ZNF385D: variants seen among roughly 807,000 people sequenced by gnomAD.
The protein encoded by ZNF385D is zinc finger protein 385D.
A neutral mutation model predicts 35.8 loss-of-function variants in ZNF385D; 15 were observed. The ratio of observed to expected loss-of-function variants is 0.42; its 90% CI spans 0.28 to 0.64. The LOEUF (loss-of-function observed/expected upper bound fraction) is 0.64. Ranked by LOEUF, ZNF385D falls within the 30% of genes least tolerant of loss-of-function variation. The pLI is 0.23. For synonymous variants in ZNF385D, 212 were observed against 186.8 expected (o/e 1.13, Z -1.10); for missense variants, 474 against 494.6 (o/e 0.96, Z 0.39).
intron 1 of ZNF385D, among the ~76,000 whole-genome samples, chr3:21,701,943 C>G (rs1225881753): frequency 2.0e-5 from 3 of 152,144 alleles, no homozygotes; most frequent in Non-Finnish European, 4.4e-5. Context: ...TAGCCCCCAT[C>G]TTGGCTACTT....
At chr3:22,339,242 C>A (rs758450621) in intron 2 of ZNF385D, among the ~76,000 whole-genome samples, 3 of 152,062 alleles carry the variant, frequency 2.0e-5, no homozygotes, top group Admixed American at 6.6e-5. Flanking sequence ...AAGCTTGCCA[C>A]CATGAAACAA....
intron 3 of ZNF385D, among the ~76,000 whole-genome samples, chr3:21,799,076 C>A (rs901327866): frequency 2.6e-5 from 4 of 152,062 alleles, no homozygotes; most frequent in African/African-American, 4.8e-5. Context: ...TTGTGTCTGA[C>A]GTAATTCACT....
At position 22,332,041 on chromosome 3, in the gene ZNF385D, A is replaced by G. The variant is rs79038241; in HGVS notation, c.106+40409T>C. Among the ~76,000 whole-genome samples the G allele has an allele frequency of 4.6e-3, 700 of 152,326 alleles. 5 individuals carry two copies. Among genetic ancestry groups the G allele is most frequent in the African/African-American group, 0.016 (669 of 41,580 alleles). The stretch of plus-strand genomic sequence containing the variant: ...AGAAAATATAGAAGAATAGTACAAT[A>G]AATACCCACGATAACTTCATCAAGT... On this transcript the variant is annotated intron_variant, in intron 2 of 5. Transcript: ENST00000494108.
At chr3:21,946,819 G>A (rs1626065) in intron 3 of ZNF385D, among the ~76,000 whole-genome samples, 39,412 of 152,140 alleles carry the variant, frequency 0.26, 5,803 homozygotes, top group Admixed American at 0.41. Flanking sequence ...GTGATAGAGC[G>A]ACACTCCGTG....
At chr3:21,467,520 C>A (rs1331317961) in intron 4 of ZNF385D, among the ~76,000 whole-genome samples, 1 of 152,110 alleles carries the variant, frequency 6.6e-6, no homozygotes, top group African/African-American at 2.4e-5. Flanking sequence ...TTTAGTCTAA[C>A]CTGCGAATAG....
intron 3 of ZNF385D, among the ~76,000 whole-genome samples, chr3:21,846,654 G>C (rs1515452): frequency 0.44 from 66,917 of 151,784 alleles, 14,980 homozygotes; most frequent in Middle Eastern, 0.48. Flanking sequence ...TAAGAGAATG[G>C]AAAATGACTG....
At chr3:22,235,565 A>G (rs1427576945) in intron 2 of ZNF385D, among the ~76,000 whole-genome samples, 1 of 152,152 alleles carries the variant, frequency 6.6e-6, no homozygotes, top group East Asian at 1.9e-4. Flanking sequence ...TGTTTTCTAA[A>G]TGTTTAAAGA....
rs2067317115 is a variant in ZNF385D at position 21,692,561 on chromosome 3, C to T, written c.23-27533G>A. On this transcript the variant is annotated intron_variant, in intron 1 of 7. Transcript: ENST00000281523. ...TCTCAACCCTCCTCTTCCTACTTGA[C>T]ACCAGTCACTTTGTGCCTTCACAAT... is the stretch of plus-strand genomic sequence containing the variant. Among the ~76,000 whole-genome samples the T allele has an allele frequency of 2.6e-5, 4 of 152,342 alleles. No homozygotes were observed. In the South Asian group the frequency reaches 8.3e-4, roughly 32 times the overall value.
At chr3:21,552,547 C>T (rs1303294803) in intron 3 of ZNF385D, among the ~76,000 whole-genome samples, 1 of 152,112 alleles carries the variant, frequency 6.6e-6, no homozygotes, top group Non-Finnish European at 1.5e-5. Flanking sequence ...ATTAGATCTT[C>T]TATTGAAAAA....
chr3:21,637,415 T>C, intron 2 of ZNF385D, among the ~76,000 whole-genome samples: 2 of 152,036 alleles, frequency 1.3e-5, no homozygotes, highest in East Asian at 3.9e-4. Context: ...GGCTGTTAAG[T>C]TTGTTAATTT....
At chr3:22,020,198 G>A (rs1009700911) in intron 3 of ZNF385D, among the ~76,000 whole-genome samples, 3 of 151,782 alleles carry the variant, frequency 2.0e-5, no homozygotes, top group Admixed American at 2.0e-4. Flanking sequence ...TTCTTAAAGT[G>A]GTGTGGGGTA....
At chr3:21,455,905 C>A (rs1463792226) in intron 4 of ZNF385D, among the ~76,000 whole-genome samples, 1 of 151,926 alleles carries the variant, frequency 6.6e-6, no homozygotes, top group Admixed American at 6.6e-5. Context: ...AAAAAACAAC[C>A]CCATCAAAAA....
At chr3:21,886,512 C>T (rs2125873433) in intron 3 of ZNF385D, among the ~76,000 whole-genome samples, 1 of 152,114 alleles carries the variant, frequency 6.6e-6, no homozygotes, top group South Asian at 2.1e-4. Context: ...TAACTCTGTT[C>T]CTTATCCTTT....
chr3:21,806,531 G>C (rs1358002268), intron 3 of ZNF385D, among the ~76,000 whole-genome samples: 1 of 151,886 alleles, frequency 6.6e-6, no homozygotes, highest in Non-Finnish European at 1.5e-5. Context: ...TAGTTAATTG[G>C]GGTCACAGAA....
intron 3 of ZNF385D, among the ~76,000 whole-genome samples, chr3:21,761,650 C>A (rs187163247): frequency 6.6e-6 from 1 of 152,194 alleles, no homozygotes; most frequent in East Asian, 1.9e-4. Flanking sequence ...GGATAAGACA[C>A]TTTGGAGGAG....
chr3:22,319,208 T>A (rs948055330), intron 2 of ZNF385D, among the ~76,000 whole-genome samples: 1 of 152,136 alleles, frequency 6.6e-6, no homozygotes, highest in Non-Finnish European at 1.5e-5. Flanking sequence ...AAGTCTTTCT[T>A]ATGTGTACAG....
At chr3:22,245,987 C>T (rs1215712033) in intron 2 of ZNF385D, among the ~76,000 whole-genome samples, 1 of 152,114 alleles carries the variant, frequency 6.6e-6, no homozygotes, top group Non-Finnish European at 1.5e-5. Context: ...CAACCAATCT[C>T]AGTGACAGTG....
At chr3:21,492,364 C>A (rs1301894045) in intron 4 of ZNF385D, among the ~76,000 whole-genome samples, 1 of 148,628 alleles carries the variant, frequency 6.7e-6, no homozygotes, top group Non-Finnish European at 1.5e-5. Flanking sequence ...GTTTGCTTTA[C>A]GGATTCTAAA....
chr3:21,577,212 A>T (rs557567619), intron 2 of ZNF385D, among the ~76,000 whole-genome samples: 1 of 152,122 alleles, frequency 6.6e-6, no homozygotes, highest in Non-Finnish European at 1.5e-5. Context: ...GTTTACTTCT[A>T]TGAAATCTAC....
Sources: allele counts gnomAD v4.1 joint callset (sites outside exome capture counted in the v4.1 genomes callset), GRCh38; gene constraint gnomAD v4.1.1; transcripts MANE v1.5; gene names NCBI Gene and HGNC (gene_info 2026-07-23, HGNC 2026-07-21).